The following TRAK1 variants were observed in gnomAD, a reference collection of about 807,000 sequenced individuals.
TRAK1 encodes the protein trafficking kinesin protein 1.
In TRAK1, 33 loss-of-function variants were observed where a neutral mutation model predicts 92.1. The ratio of observed to expected loss-of-function variants is 0.36; its 90% CI spans 0.27 to 0.48. The LOEUF (loss-of-function observed/expected upper bound fraction) is 0.48. Ranked by LOEUF, TRAK1 falls within the 20% of genes least tolerant of loss-of-function variation. The probability of loss-of-function intolerance (pLI) is 0.99; values close to 1 mark genes in which losing one functional copy is unlikely to be tolerated. For missense variants in TRAK1, 1,123 were observed against 1,257.9 expected (o/e 0.89, Z 1.62); for synonymous variants, 521 against 517.3 (o/e 1.01, Z -0.10).
chr3:42,041,080 T>C (rs1702522592), intron 1 of TRAK1, among the ~76,000 whole-genome samples: 1 of 151,186 alleles, frequency 6.6e-6, no homozygotes, highest in Admixed American at 6.6e-5. Flanking sequence ...TTATTTTGGC[T>C]ATTCTAGTTT....
At chr3:42,201,329 A>G (rs150698962) in intron 12 of TRAK1, among the ~76,000 whole-genome samples, 8,417 of 152,202 alleles carry the variant, frequency 0.055, 232 homozygotes, top group Middle Eastern at 0.075. Context: ...GCATGGTGGC[A>G]TGCACCTGTA....
At chr3:42,102,933 T>C (rs911762682) in intron 1 of TRAK1, among the ~76,000 whole-genome samples, 1 of 152,158 alleles carries the variant, frequency 6.6e-6, no homozygotes, top group Non-Finnish European at 1.5e-5. Flanking sequence ...ACATTTCTTG[T>C]GGTTACGTTT....
chr3:42,053,515 T>C (rs1169272605), intron 1 of TRAK1, among the ~76,000 whole-genome samples: 1 of 151,906 alleles, frequency 6.6e-6, no homozygotes, highest in Non-Finnish European at 1.5e-5. Context: ...TTCTGTGGTA[T>C]GGGCTTCTTT....
At chr3:42,137,192 A>G (rs1462073700) in intron 2 of TRAK1, among the ~76,000 whole-genome samples, 1 of 152,202 alleles carries the variant, frequency 6.6e-6, no homozygotes, top group Non-Finnish European at 1.5e-5. Flanking sequence ...TGAAAAACAC[A>G]ATTTTCAGCA....
chr3:42,021,961 T>C lies in TRAK1; in HGVS notation c.-519+7844T>C, dbSNP rs182184177. On this transcript the variant is annotated intron_variant, in intron 1 of 16. Coordinates refer to the TRAK1 transcript ENST00000487159. ...TTGTGTTAGCCATAATTATTGTTTT[T>C]ACTGAACTCCTTATGATCCATTCAT... 2.0e-5 allele frequency among the ~76,000 whole-genome samples: 3 copies of C among 152,340 alleles called. No homozygotes were observed. The East Asian group carries it at 5.8e-4, about 29-fold the overall frequency.
intron 1 of TRAK1, among the ~76,000 whole-genome samples, chr3:42,024,011 C>T (rs1407405434): frequency 1.3e-5 from 2 of 151,926 alleles, no homozygotes; most frequent in African/African-American, 4.8e-5. Flanking sequence ...CTCCTTGGCC[C>T]CCCAAAGTGC....
chr3:42,094,620 C>T (rs1268847869), intron 1 of TRAK1, among the ~76,000 whole-genome samples: 1 of 152,102 alleles, frequency 6.6e-6, no homozygotes, highest in Non-Finnish European at 1.5e-5. Flanking sequence ...GATCCTACCA[C>T]CTTAGCTTTC....
chr3:42,082,518 C>T (rs988532026), upstream of TRAK1, among the ~76,000 whole-genome samples: 1 of 152,006 alleles, frequency 6.6e-6, no homozygotes, highest in African/African-American at 2.4e-5. Flanking sequence ...TTGCTTGAAC[C>T]TAGGAGGCCA....
intron 14 of TRAK1, chr3:42,218,102 ATC>A: frequency 1.0e-6 from 1 of 985,362 alleles, no homozygotes; most frequent in Non-Finnish European, 1.2e-6. Flanking sequence ...AGGGCAAACC[ATC>A]TTGCCTTGTT....
At chr3:42,092,714 T>TTGTGTTATGTTATGA (rs1559754201) in intron 1 of TRAK1, among the ~76,000 whole-genome samples, 1 of 108,018 alleles carries the variant, frequency 9.3e-6, no homozygotes, top group African/African-American at 3.0e-5. Flanking sequence ...TTGTGTTGTG[T>TTGTGTTATGTTATGA]TATGTTATGT....
chr3:42,053,648 A>T (rs1703078371), intron 1 of TRAK1, among the ~76,000 whole-genome samples: 1 of 152,212 alleles, frequency 6.6e-6, no homozygotes, highest in African/African-American at 2.4e-5. Context: ...CACACCCAGG[A>T]CCTGCCCGAG....
intron 1 of TRAK1, among the ~76,000 whole-genome samples, chr3:42,071,361 T>C (rs1189337589): frequency 1.3e-5 from 2 of 152,148 alleles, no homozygotes; most frequent in African/African-American, 4.8e-5. Flanking sequence ...TCATTCCTAA[T>C]CCAGGCCTGT....
intron 1 of TRAK1, among the ~76,000 whole-genome samples, chr3:42,020,850 G>C (rs1160744540): frequency 6.6e-6 from 1 of 152,110 alleles, no homozygotes; most frequent in African/African-American, 2.4e-5. Flanking sequence ...TCCAGTTGGG[G>C]AGTTTGGTAA....
chr3:42,084,658 G>A (rs1285338604), upstream of TRAK1, among the ~76,000 whole-genome samples: 2 of 152,264 alleles, frequency 1.3e-5, no homozygotes, highest in East Asian at 3.9e-4. Flanking sequence ...GTGACTCTTG[G>A]GGGTCTTCTA....
chr3:42,059,381 C>T (rs1703333817), intron 1 of TRAK1, among the ~76,000 whole-genome samples: 1 of 152,228 alleles, frequency 6.6e-6, no homozygotes, highest in South Asian at 2.1e-4. Flanking sequence ...CTGCTCTCCA[C>T]TCCAGGATAG....
intron 13 of TRAK1, 118 bp from the exon 14 acceptor site, chr3:42,209,649 G>A (rs962703726): frequency 9.8e-7 from 1 of 1,020,872 alleles, no homozygotes; most frequent in Non-Finnish European, 1.4e-6. Context: ...TGGAGGCCCA[G>A]ACCCTGCTGG....
Position 42,224,928 on chromosome 3 carries a change from C to T in TRAK1, c.*1191C>T, listed in dbSNP as rs757540699. The stretch of plus-strand genomic sequence containing the variant: ...GTTTCAGAACAGCACATGGTCACAA[C>T]AAGATATTTTCTTTCCCTCCAAAGC... On this transcript the variant is annotated 3_prime_UTR_variant, in exon 16 of 16. Coordinates refer to ENST00000327628, the MANE Select transcript of TRAK1 (RefSeq NM_001042646.3). The T allele has an allele frequency of 3.3e-5, 5 of 152,200 alleles. No homozygotes were observed. Among genetic ancestry groups the T allele is most frequent in the African/African-American group, 1.2e-4 (5 of 41,436 alleles). 9.4% of individuals were successfully genotyped at this position (152,200 alleles called of 1,614,324 possible).
At chr3:42,171,416 A>G (rs990245430) in intron 2 of TRAK1, among the ~76,000 whole-genome samples, 2 of 152,232 alleles carry the variant, frequency 1.3e-5, no homozygotes, top group Non-Finnish European at 2.9e-5. Flanking sequence ...ATAAGACCAA[A>G]ATGTCAAGAA....
chr3:42,145,477 T>C (rs1455859966), intron 2 of TRAK1, among the ~76,000 whole-genome samples: 1 of 143,692 alleles, frequency 7.0e-6, no homozygotes, highest in Non-Finnish European at 1.5e-5. Flanking sequence ...AGAGTGAGAC[T>C]CTGTCTCAAA....
Sources: allele counts gnomAD v4.1 joint callset (sites outside exome capture counted in the v4.1 genomes callset), GRCh38; gene constraint gnomAD v4.1.1; transcripts MANE v1.5; gene names NCBI Gene and HGNC (gene_info 2026-07-23, HGNC 2026-07-21).